The following OR8G1 variants were observed in gnomAD, a reference collection of about 807,000 sequenced individuals.
OR8G1 encodes olfactory receptor 8G1.
For synonymous variants in OR8G1, 129 were observed against 133.3 expected, an observed-to-expected ratio of 0.97 and a Z score of 0.22; for missense variants, 372 against 356.2, an observed-to-expected ratio of 1.04 and a Z score of -0.36.
chr11:124,253,110 T>C lies in OR8G1; in HGVS notation c.*2499T>C, dbSNP rs1225947982. 1 of 152,200 alleles carries C rather than the reference T, an allele frequency of 6.6e-6. No homozygotes were observed. Among genetic ancestry groups the C allele is most frequent in the Non-Finnish European group, 1.5e-5 (1 of 68,038 alleles). The allele number at this position is 152,200 out of a possible 1,614,324, so 9.4% of individuals were successfully genotyped here. On this transcript the variant is annotated 3_prime_UTR_variant, in exon 3 of 3. Transcript: ENST00000641972. The stretch of plus-strand genomic sequence containing the variant: ...GCTTAAATGAAGATAAAACAATAAT[T>C]TAAAGTCCGTTAGAAAACTATTTAT...
At chr11:124,244,097 GAAAGGATGGAGAGAGGGA>G (rs1861788295) in intron 1 of OR8G1, among the ~76,000 whole-genome samples, 3 of 146,952 alleles carry the variant, frequency 2.0e-5, no homozygotes, top group Admixed American at 6.9e-5. Flanking sequence ...AGAGAACGAG[GAAAGGATGGAGAGAGGGA>G]GAGAGAGATG....
At position 124,249,895 on chromosome 11, in the gene OR8G1, T is replaced by C. The variant is rs2137750222; in HGVS notation, c.220T>C (p.Ser74Pro). 5 of 1,614,012 alleles carry C rather than the reference T, an allele frequency of 3.1e-6. No homozygotes were observed. The South Asian group carries it at 5.5e-5, about 18-fold the overall frequency. The stretch of plus-strand genomic sequence containing the variant: ...TCTGTCCTTCATTGACTTCTGCCAT[T>C]CCACTGTCATTACCCCTAAGATGCT... ...SSLSFIDFCH[S>P]TVITPKMLVN... The change falls in exon 3 of 3, where the codon TCC becomes CCC. Residue 74 changes from serine to proline, a missense_variant. Physicochemically the swap from Ser to Pro is moderately conservative, Grantham distance 74 (BLOSUM62 -1). Coordinates refer to ENST00000641972, the MANE Select transcript of OR8G1 (RefSeq NM_001002905.2).
rs1861867751 is a variant in OR8G1 at position 124,251,524 on chromosome 11, G to C, written c.*913G>C. The stretch of plus-strand genomic sequence containing the variant: ...ACCTATTCTATGCTAAGATGTATGT[G>C]TATTTGTTCTGTGAAAAATCCCAAT... On this transcript the variant is annotated 3_prime_UTR_variant, in exon 3 of 3. Coordinates refer to ENST00000641972, the MANE Select transcript of OR8G1 (RefSeq NM_001002905.2). 2.2e-6 allele frequency: 1 copy of C among 458,996 alleles called. No homozygotes were observed. The highest frequency in any genetic ancestry group is 2.7e-5 in the South Asian group (1 of 36,952). 28.4% of individuals were successfully genotyped at this position (458,996 alleles called of 1,614,324 possible). A position where few individuals can be genotyped will look rare whatever the true frequency, so the allele number is the denominator to read the frequency against.
intron 1 of OR8G1, among the ~76,000 whole-genome samples, chr11:124,246,482 G>C (rs531324724): frequency 1.9e-4 from 29 of 151,926 alleles, no homozygotes; most frequent in Non-Finnish European, 3.7e-4. Context: ...GTTTAGGCAA[G>C]ATACATTACT....
chr11:124,241,335 C>G lies in OR8G1; in HGVS notation c.-126C>G, dbSNP rs10128577. 1 of 151,436 alleles carries G rather than the reference C, an allele frequency of 6.6e-6. No individual in the cohort carries two copies. The highest frequency in any genetic ancestry group is 1.5e-5 in the Non-Finnish European group (1 of 67,880). The allele number at this position is 151,436 out of a possible 1,614,324, so 9.4% of individuals were successfully genotyped here. A position where few individuals can be genotyped will look rare whatever the true frequency, so the allele number is the denominator to read the frequency against. ...AGGAAGAGGAAATTGCAAGTAAAAT[C>G]AAGCATTGAAGTTTTTAGGCAGTGG... On this transcript the variant is annotated 5_prime_UTR_variant, in exon 1 of 3. It adds an upstream start codon to the 5' untranslated region. Transcript: ENST00000641972.
In OR8G1 at chr11:124,241,113, A is replaced by C. The variant is rs774169391; in HGVS notation, c.-348A>C. 1 of 152,112 alleles carries C rather than the reference A, an allele frequency of 6.6e-6. No individual in the cohort carries two copies. The highest frequency in any genetic ancestry group is 1.5e-5 in the Non-Finnish European group (1 of 68,028). 9.4% of individuals were successfully genotyped at this position (152,112 alleles called of 1,614,324 possible). On this transcript the variant is annotated 5_prime_UTR_variant, in exon 1 of 3. Transcript: ENST00000641972. ...AGGATGCTTGCCACCCTGAAGCTGGAGAAACAAAAACTGCAAAGTCATAAT... is the reference window on the plus strand; with the variant it reads ...AGGATGCTTGCCACCCTGAAGCTGGCGAAACAAAAACTGCAAAGTCATAAT...
chr11:124,246,074 G>A (rs988248170), intron 1 of OR8G1, among the ~76,000 whole-genome samples: 22 of 150,130 alleles, frequency 1.5e-4, no homozygotes, highest in Admixed American at 4.6e-4. Context: ...GGTGTTTTAG[G>A]CATGAAGTCC....
rs1355732177 is a variant in OR8G1, at chr11:124,251,955, A to G, written c.*1344A>G. ...ACCAGAAGAAATATTTCACTTGTCTATATTTGGATGGGGCTGGTTAAGTTG... is the reference window on the plus strand; with the variant it reads ...ACCAGAAGAAATATTTCACTTGTCTGTATTTGGATGGGGCTGGTTAAGTTG... On this transcript the variant is annotated 3_prime_UTR_variant, in exon 3 of 3. Coordinates refer to ENST00000641972, the MANE Select transcript of OR8G1 (RefSeq NM_001002905.2). 1 of 152,330 alleles carries G rather than the reference A, an allele frequency of 6.6e-6. No individual in the cohort carries two copies. The highest frequency in any genetic ancestry group is 1.9e-4 in the East Asian group (1 of 5,202). 9.4% of individuals were successfully genotyped at this position (152,330 alleles called of 1,614,324 possible). A position where few individuals can be genotyped will look rare whatever the true frequency, so the allele number is the denominator to read the frequency against.
At chr11:124,245,940 G>A (rs11603607) in intron 1 of OR8G1, among the ~76,000 whole-genome samples, 54,699 of 122,146 alleles carry the variant, frequency 0.45, 12,853 homozygotes, top group South Asian at 0.61. Flanking sequence ...AGTAGGTTGC[G>A]AAAATTTTCT....
At chr11:124,242,083 A>T (rs201881648) in intron 1 of OR8G1, among the ~76,000 whole-genome samples, 7,312 of 151,166 alleles carry the variant, frequency 0.048, 261 homozygotes, top group South Asian at 0.13. Context: ...AATTATTTAT[A>T]TATTTTTATT....
intron 2 of OR8G1, among the ~76,000 whole-genome samples, chr11:124,248,163 G>C (rs1479739764): frequency 6.6e-6 from 1 of 151,738 alleles, no homozygotes; most frequent in Non-Finnish European, 1.5e-5. Context: ...ACATATTTTT[G>C]TAAGGAATTT....
rs991333983 is a variant in OR8G1 at position 124,246,524 on chromosome 11, G to T, written c.-96-1277G>T. On this transcript the variant is annotated intron_variant, in intron 1 of 2. Transcript: ENST00000641972. ...TAATTGATAAGGGGTTAAATCCAAG[G>T]ATTGAACAATTAAAGGAAGAAGTAT... 3.3e-5 allele frequency among the ~76,000 whole-genome samples: 5 copies of T among 151,722 alleles called. No individual in the cohort carries two copies. The East Asian group carries it at 7.7e-4, about 23-fold the overall frequency.
At chr11:124,248,402 CTGTG>C (rs954418162) in intron 2 of OR8G1, among the ~76,000 whole-genome samples, 19 of 150,028 alleles carry the variant, frequency 1.3e-4, no homozygotes, top group Middle Eastern at 3.4e-3. Flanking sequence ...TTATGTGTGT[CTGTG>C]TGTGTGTGTG....
At chr11:124,243,359 A>T (rs2512224) in intron 1 of OR8G1, among the ~76,000 whole-genome samples, 1 of 151,690 alleles carries the variant, frequency 6.6e-6, no homozygotes, top group African/African-American at 2.4e-5. Context: ...TATTGATCCT[A>T]TAGTGATCAC....
intron 2 of OR8G1, among the ~76,000 whole-genome samples, chr11:124,248,945 A>G (rs1260207351): frequency 1.3e-5 from 2 of 152,158 alleles, no homozygotes; most frequent in East Asian, 3.9e-4. Flanking sequence ...CAAACGGGTT[A>G]TTTAACTTAT....
intron 1 of OR8G1, among the ~76,000 whole-genome samples, chr11:124,245,015 T>TA (rs1431153808): frequency 1.7e-4 from 26 of 151,594 alleles, no homozygotes; most frequent in Admixed American, 9.2e-4. Flanking sequence ...TTCTTTTTTT[T>TA]AAATTATTAG....
intron 1 of OR8G1, among the ~76,000 whole-genome samples, chr11:124,241,988 A>G (rs2466665): frequency 0.51 from 77,364 of 151,572 alleles, 20,356 homozygotes; most frequent in South Asian, 0.7. Flanking sequence ...TTTTATGACC[A>G]GGAATAAGTA....
Position 124,249,811 on chromosome 11 carries a change from A to G in OR8G1, c.136A>G (p.Thr46Ala), listed in dbSNP as rs765019603. 1.1e-5 allele frequency: 17 copies of G among 1,613,940 alleles called. No individual in the cohort carries two copies. Among genetic ancestry groups the G allele is most frequent in the Non-Finnish European group, 1.4e-5 (16 of 1,179,936 alleles). The change falls in exon 3 of 3, where the codon ACC becomes GCC. Residue 46 changes from threonine (T) to alanine (A), a missense_variant. Thr to Ala is a moderately conservative substitution (Grantham distance 58, BLOSUM62 0). Coordinates refer to ENST00000641972, the MANE Select transcript of OR8G1 (RefSeq NM_001002905.2). Reference sequence around the variant, plus strand: ...CACAGTGGTGGGCAACCTGGGCATGACCACACTGATTTGGCTCAGTTCTCA... The same window carrying G: ...CACAGTGGTGGGCAACCTGGGCATGGCCACACTGATTTGGCTCAGTTCTCA... ...VVTVVGNLGM[T>A]TLIWLSSHLH...
chr11:124,244,801 T>C (rs2466659), intron 1 of OR8G1, among the ~76,000 whole-genome samples: 77,317 of 151,440 alleles, frequency 0.51, 20,341 homozygotes, highest in South Asian at 0.7. Flanking sequence ...TGAATTTTTT[T>C]CATAAATCTA....
Sources: gnomAD v4.1 joint callset for allele counts (sites outside exome capture counted in the v4.1 genomes callset) on GRCh38, gnomAD v4.1.1 for gene constraint, MANE v1.5 for transcripts, NCBI Gene and HGNC (gene_info 2026-07-23, HGNC 2026-07-21) for gene names.